Variants in TIMM23 observed in about 807,000 individuals in gnomAD.
The protein encoded by TIMM23 is translocase of inner mitochondrial membrane 23, also known as mitochondrial import inner membrane translocase subunit Tim23.
A neutral mutation model predicts 30.7 loss-of-function variants in TIMM23; 19 were observed. The observed-to-expected ratio is 0.62, with a 90% CI of 0.43 to 0.91. The LOEUF (loss-of-function observed/expected upper bound fraction) is 0.91, where lower values mean the gene tolerates loss of function less well. Ranked by LOEUF, TIMM23 falls within the 40% of genes least tolerant of loss-of-function variation. TIMM23 has a pLI of 0.00. For missense variants in TIMM23, 202 were observed against 269.2 expected (o/e 0.75, Z 1.75); for synonymous variants, 78 against 98.5 (o/e 0.79, Z 1.23).
intron 6 of TIMM23, among the ~76,000 whole-genome samples, chr10:45,996,071 G>T (rs1193790318): frequency 4.0e-5 from 6 of 148,882 alleles, no homozygotes; most frequent in Non-Finnish European, 8.8e-5. Context: ...ATTTAAAACA[G>T]AAATGTTAGG....
chr10:45,982,488 G>A lies in TIMM23; in HGVS notation c.166-35G>A, dbSNP rs2132254614. ...ACTTTACAAGATTTGTGTCTTGAGG[G>A]ACACTCAGCTTGGTTTTCATTATTA... On this transcript the variant is annotated intron_variant, in intron 2 of 6. Coordinates refer to ENST00000580018, the MANE Select transcript of TIMM23 (RefSeq NM_006327.4). 17 of 1,606,270 alleles carry A rather than the reference G, an allele frequency of 1.1e-5. No homozygotes were observed. The South Asian group carries it at 1.7e-4, about 16-fold the overall frequency.
chr10:45,993,315 G>A (rs1160531697), intron 6 of TIMM23, among the ~76,000 whole-genome samples: 1 of 144,664 alleles, frequency 6.9e-6, no homozygotes, highest in South Asian at 2.2e-4. Context: ...GCATGATCTC[G>A]GCTCACAGCA....
chr10:45,992,092 C>T (rs1462798609), intron 6 of TIMM23, among the ~76,000 whole-genome samples: 82 of 152,136 alleles, frequency 5.4e-4, no homozygotes, highest in African/African-American at 1.7e-3. Context: ...TCAGCCTGCC[C>T]AGTGGTTCAG....
Position 45,972,547 on chromosome 10 carries a change from T to C in TIMM23, c.-78T>C. The C allele has an allele frequency of 5.2e-6, 8 of 1,529,836 alleles. No individual in the cohort carries two copies. The highest frequency in any genetic ancestry group is 7.0e-6 in the Non-Finnish European group (8 of 1,135,110). The allele number at this position is 1,529,836 out of a possible 1,614,324, so 94.8% of individuals were successfully genotyped here. A position where few individuals can be genotyped will look rare whatever the true frequency, so the allele number is the denominator to read the frequency against. ...GCGCTGGCAACGCGGGGTTACCCGC[T>C]GTTATTGAGGAGTAACGGCCCAGCG... On this transcript the variant is annotated 5_prime_UTR_variant, in exon 1 of 7. Coordinates refer to ENST00000580018, the MANE Select transcript of TIMM23 (RefSeq NM_006327.4).
At chr10:45,973,477 T>G (rs1276098730) in intron 1 of TIMM23, among the ~76,000 whole-genome samples, 78 of 152,302 alleles carry the variant, frequency 5.1e-4, no homozygotes, top group Non-Finnish European at 9.7e-4. Flanking sequence ...AGTACTTTCT[T>G]TTTAGAGAAT....
At chr10:45,997,226 G>A (rs1204281630) in intron 6 of TIMM23, among the ~76,000 whole-genome samples, 1 of 152,018 alleles carries the variant, frequency 6.6e-6, no homozygotes, top group Non-Finnish European at 1.5e-5. Context: ...AAAGAAAAAT[G>A]TGGTATATAC....
intron 6 of TIMM23, chr10:46,002,502 C>T: frequency 2.0e-6 from 2 of 984,710 alleles, no homozygotes; most frequent in Non-Finnish European, 2.4e-6. Context: ...TTTGGAGGAC[C>T]CATCCAGAGT....
intron 2 of TIMM23, among the ~76,000 whole-genome samples, chr10:45,977,472 G>T (rs1294302986): frequency 3.9e-5 from 6 of 152,162 alleles, no homozygotes; most frequent in African/African-American, 1.4e-4. Flanking sequence ...CAGGGGAGAC[G>T]TTAGGACAAC....
At chr10:45,995,316 T>C (rs2132277081) in intron 6 of TIMM23, among the ~76,000 whole-genome samples, 1 of 152,060 alleles carries the variant, frequency 6.6e-6, no homozygotes, top group East Asian at 1.9e-4. Flanking sequence ...TAAGAATACA[T>C]ATAATATGCC....
chr10:45,993,542 A>C (rs1248980907), intron 6 of TIMM23, among the ~76,000 whole-genome samples: 1 of 152,032 alleles, frequency 6.6e-6, no homozygotes, highest in East Asian at 1.9e-4. Context: ...CGATAGAGCG[A>C]GTCTGTCTCA....
In TIMM23 at chr10:46,003,193, T is replaced by C; in HGVS notation, c.515-10T>C. On this transcript the variant is annotated splice_polypyrimidine_tract_variant and intron_variant, in intron 6 of 6. Coordinates refer to ENST00000580018, the MANE Select transcript of TIMM23 (RefSeq NM_006327.4). ...AGCTATTTCATTTTCCTTTTGTCTC[T>C]GTTTCCCAGGTGGTCTTCGAGGGAT... 1 of 1,607,674 alleles carries C rather than the reference T, an allele frequency of 6.2e-7. No individual in the cohort carries two copies. Among genetic ancestry groups the C allele is most frequent in the Non-Finnish European group, 8.5e-7 (1 of 1,174,312 alleles).
chr10:45,992,605 T>C (rs1554915996), intron 6 of TIMM23: 1 of 432,696 alleles, frequency 2.3e-6, no homozygotes, highest in Non-Finnish European at 4.5e-6. Context: ...GTCGCCAGGC[T>C]GCAGTGCAGT....
intron 2 of TIMM23, among the ~76,000 whole-genome samples, chr10:45,977,091 CATT>C (rs1352069483): frequency 6.7e-6 from 1 of 149,134 alleles, no homozygotes; most frequent in East Asian, 2.0e-4. Context: ...AACTATAAAA[CATT>C]ATTGAAATTA....
chr10:45,982,964 C>G, intron 4 of TIMM23, 34 bp downstream of exon 4: 1 of 1,613,324 alleles, frequency 6.2e-7, no homozygotes, highest in South Asian at 1.1e-5. Flanking sequence ...TGTAGTGATA[C>G]TTGAATATTA....
intron 1 of TIMM23, among the ~76,000 whole-genome samples, chr10:45,974,606 A>G (rs1386730102): frequency 2.6e-4 from 39 of 152,246 alleles, no homozygotes; most frequent in Non-Finnish European, 5.1e-4. Context: ...TTCTTAAGAC[A>G]AATCACTGTA....
intron 4 of TIMM23, 144 bp downstream of exon 4, chr10:45,983,074 A>G: frequency 8.5e-7 from 1 of 1,178,744 alleles, no homozygotes; most frequent in Non-Finnish European, 1.2e-6. Context: ...TAATCAAAAT[A>G]AAAGCAACTA....
chr10:45,989,936 C>T (rs1447631774), intron 6 of TIMM23, among the ~76,000 whole-genome samples: 4,470 of 152,090 alleles, frequency 0.029, 83 homozygotes, highest in Non-Finnish European at 0.044. Context: ...AATCCACATA[C>T]GTGATTTTTT....
chr10:45,999,471 C>T (rs1590132648), intron 6 of TIMM23, among the ~76,000 whole-genome samples: 1 of 152,144 alleles, frequency 6.6e-6, no homozygotes, highest in South Asian at 2.1e-4. Flanking sequence ...CATCACATGT[C>T]GGTAGGTTCC....
chr10:45,980,338 G>T (rs1242247876), intron 2 of TIMM23, among the ~76,000 whole-genome samples: 1 of 151,704 alleles, frequency 6.6e-6, no homozygotes, highest in Non-Finnish European at 1.5e-5. Context: ...GGTTCAAGCA[G>T]TCCTCCCACC....
Sources: gnomAD v4.1 joint callset for allele counts (sites outside exome capture counted in the v4.1 genomes callset) on GRCh38, gnomAD v4.1.1 for gene constraint, MANE v1.5 for transcripts, NCBI Gene and HGNC (gene_info 2026-07-23, HGNC 2026-07-21) for gene names.